The following UBXN7 variants were observed in gnomAD, a reference collection of about 807,000 sequenced individuals.
UBXN7 encodes the protein UBX domain protein 7.
UBXN7 carries 9 observed loss-of-function variants against 58.0 expected under a neutral mutation model. That is an observed-to-expected ratio of 0.16 (90% CI 0.09 to 0.27). The LOEUF is 0.27. Among genes scored for constraint, UBXN7 ranks in the 10% least tolerant of loss-of-function variants. The pLI, the probability that UBXN7 is intolerant of heterozygous loss-of-function variation, is 1.00. For synonymous variants in UBXN7, 208 were observed against 205.0 expected (o/e 1.01, Z -0.12); for missense variants, 328 against 599.6 (o/e 0.55, Z 4.73).
chr3:196,391,506 G>A (rs1172415583), intron 5 of UBXN7, among the ~76,000 whole-genome samples: 3 of 152,152 alleles, frequency 2.0e-5, no homozygotes, highest in East Asian at 3.9e-4. Flanking sequence ...TGAGGCAAGA[G>A]GATTGCTTGA....
chr3:196,409,157 T>C (rs1035991810), intron 1 of UBXN7, among the ~76,000 whole-genome samples: 1 of 152,138 alleles, frequency 6.6e-6, no homozygotes, highest in African/African-American at 2.4e-5. Context: ...TCACACATTC[T>C]CCCTTTAGCT....
chr3:196,374,916 A>G (rs1235941599), intron 5 of UBXN7, among the ~76,000 whole-genome samples: 7 of 2,124 alleles, frequency 3.3e-3, no homozygotes, highest in Non-Finnish European at 5.0e-3. Context: ...GGGGAGGGGG[A>G]GGGGGAGGGG....
intron 5 of UBXN7, among the ~76,000 whole-genome samples, chr3:196,386,858 C>G (rs1729420908): frequency 6.6e-6 from 1 of 152,168 alleles, no homozygotes; most frequent in Admixed American, 6.5e-5. Flanking sequence ...CTGGAAAAAA[C>G]TACTTTAAAG....
intron 3 of UBXN7, among the ~76,000 whole-genome samples, chr3:196,399,340 GTTGC>G (rs1560234493): frequency 6.6e-6 from 1 of 151,670 alleles, no homozygotes; most frequent in Admixed American, 6.6e-5. Flanking sequence ...GTCTCAATAC[GTTGC>G]CCAGGCTGGT....
rs1353680849 is a variant in UBXN7 at position 196,351,483 on chromosome 3, A to AT, written c.*5201dup. 8 of 129,840 alleles carry AT rather than the reference A, an allele frequency of 6.2e-5. No homozygotes were observed. Among genetic ancestry groups the AT allele is most frequent in the Admixed American group, 5.1e-4 (6 of 11,666 alleles). 8.0% of individuals were successfully genotyped at this position (129,840 alleles called of 1,614,324 possible). A position where few individuals can be genotyped will look rare whatever the true frequency, so the allele number is the denominator to read the frequency against. ...TGGTCAAATGATACCTGAACACAGA[A>AT]TAAAAAAAAGAGAGAAAAAAAAAGT... On this transcript the variant is annotated 3_prime_UTR_variant, in exon 11 of 11. Transcript: ENST00000296328.
intron 5 of UBXN7, among the ~76,000 whole-genome samples, chr3:196,375,397 G>T (rs1208463333): frequency 2.6e-5 from 4 of 152,018 alleles, no homozygotes; most frequent in Admixed American, 2.0e-4. Context: ...CAGGAGGATT[G>T]CTTAAGGCAA....
intron 5 of UBXN7, among the ~76,000 whole-genome samples, chr3:196,375,769 C>T (rs1728999299): frequency 6.6e-6 from 1 of 152,228 alleles, no homozygotes; most frequent in African/African-American, 2.4e-5. Flanking sequence ...TGGCTCATGC[C>T]TGTAATCCCA....
intron 5 of UBXN7, among the ~76,000 whole-genome samples, chr3:196,376,706 T>G (rs756701518): frequency 2.0e-4 from 30 of 152,068 alleles, no homozygotes; most frequent in Non-Finnish European, 4.1e-4. Context: ...TAGGTGCATG[T>G]GTAATGGGAT....
At position 196,391,942 on chromosome 3, in the gene UBXN7, T is replaced by C. The variant is rs1729594162; in HGVS notation, c.356-17A>G. On this transcript the variant is annotated splice_polypyrimidine_tract_variant and intron_variant, in intron 4 of 10. Coordinates refer to ENST00000296328, the MANE Select transcript of UBXN7 (RefSeq NM_015562.2). ...CTTGCCGAACTATAATACAGAAGGA[T>C]GAAAGTTTCAGTTAGCCATAATCAT... 1.4e-6 allele frequency: 2 copies of C among 1,425,566 alleles called. No homozygotes were observed. Among genetic ancestry groups the C allele is most frequent in the African/African-American group, 1.6e-5 (1 of 63,322 alleles). 88.3% of individuals were successfully genotyped at this position (1,425,566 alleles called of 1,614,324 possible).
At chr3:196,416,159 C>T (rs61345811) in intron 1 of UBXN7, 37,846 of 152,106 alleles carry the variant, frequency 0.25, 6,173 homozygotes, top group East Asian at 0.83. Flanking sequence ...CAACTTACAC[C>T]GGGTGCGGTG....
At chr3:196,399,166 T>C (rs1334760794) in intron 3 of UBXN7, among the ~76,000 whole-genome samples, 1 of 152,228 alleles carries the variant, frequency 6.6e-6, no homozygotes, top group African/African-American at 2.4e-5. Context: ...TAGTACTTCA[T>C]TATGCCAAAG....
chr3:196,380,632 A>G (rs1355190935), intron 5 of UBXN7, among the ~76,000 whole-genome samples: 2 of 152,182 alleles, frequency 1.3e-5, no homozygotes, highest in Non-Finnish European at 2.9e-5. Context: ...CTGGGTGGAG[A>G]GCGGGTGCAG....
chr3:196,395,537 T>C (rs568014076), intron 3 of UBXN7, among the ~76,000 whole-genome samples: 1 of 151,720 alleles, frequency 6.6e-6, no homozygotes, highest in South Asian at 2.1e-4. Context: ...TCCATCCTCC[T>C]AGGCTCAAGC....
chr3:196,418,176 G>A (rs1233998149), intron 1 of UBXN7, among the ~76,000 whole-genome samples: 1 of 151,978 alleles, frequency 6.6e-6, no homozygotes, highest in Non-Finnish European at 1.5e-5. Context: ...GGCAGAGGTT[G>A]CTGTGGGCCG....
At chr3:196,403,488 C>G (rs1730055896) in intron 2 of UBXN7, among the ~76,000 whole-genome samples, 1 of 152,076 alleles carries the variant, frequency 6.6e-6, no homozygotes, top group African/African-American at 2.4e-5. Flanking sequence ...ATAGTTTCCA[C>G]ATAAAGCTCA....
chr3:196,371,785 C>T lies in UBXN7; in HGVS notation c.615+111G>A, dbSNP rs1209749015. The T allele has an allele frequency of 1.9e-5, 26 of 1,400,508 alleles. No individual in the cohort carries two copies. In the South Asian group the frequency reaches 3.5e-4, roughly 19 times the overall value. 86.8% of individuals were successfully genotyped at this position (1,400,508 alleles called of 1,614,324 possible). On this transcript the variant is annotated intron_variant, in intron 6 of 10. Coordinates refer to ENST00000296328, the MANE Select transcript of UBXN7 (RefSeq NM_015562.2). ...GGCGTGAGCTACTGCCCCCAGCCGGCTTTACCTTTTTTTAAATGTCTTAAT... is the reference window on the plus strand; with the variant it reads ...GGCGTGAGCTACTGCCCCCAGCCGGTTTTACCTTTTTTTAAATGTCTTAAT...
chr3:196,398,450 C>CTT (rs1729845109), intron 3 of UBXN7, among the ~76,000 whole-genome samples: 1 of 152,164 alleles, frequency 6.6e-6, no homozygotes, highest in African/African-American at 2.4e-5. Flanking sequence ...TTCAAAAATA[C>CTT]TTGTTTACTG....
intron 7 of UBXN7, among the ~76,000 whole-genome samples, chr3:196,368,404 C>T (rs954979658): frequency 2.6e-5 from 4 of 151,758 alleles, no homozygotes; most frequent in Admixed American, 1.3e-4. Context: ...AAGGTAATAT[C>T]TAGAATCTTT....
chr3:196,386,909 T>G (rs1268816739), intron 5 of UBXN7, among the ~76,000 whole-genome samples: 1 of 152,048 alleles, frequency 6.6e-6, no homozygotes, highest in Non-Finnish European at 1.5e-5. Context: ...GCCAAGACAA[T>G]CCTAAGCAAA....
Sources: gnomAD v4.1 joint callset for allele counts (sites outside exome capture counted in the v4.1 genomes callset) on GRCh38, gnomAD v4.1.1 for gene constraint, MANE v1.5 for transcripts, NCBI Gene and HGNC (gene_info 2026-07-23, HGNC 2026-07-21) for gene names.